WDR46: variants seen among roughly 807,000 people sequenced by gnomAD.
WDR46 encodes WD repeat-containing protein 46.
WDR46 carries 58 observed loss-of-function variants against 74.7 expected under a neutral mutation model. The ratio of observed to expected loss-of-function variants is 0.78; its 90% CI spans 0.63 to 0.97. The LOEUF (loss-of-function observed/expected upper bound fraction) is 0.97, where lower values mean the gene tolerates loss of function less well. Among genes scored for constraint, WDR46 ranks in the 50% least tolerant of loss-of-function variants. The probability of loss-of-function intolerance (pLI) is 0.00; values close to 1 mark genes in which losing one functional copy is unlikely to be tolerated. For synonymous variants in WDR46, 278 were observed against 297.3 expected (o/e 0.93, Z 0.67); for missense variants, 702 against 790.1 (o/e 0.89, Z 1.34).
Position 33,279,358 on chromosome 6 carries a change from C to G in WDR46, c.1751G>C (p.Ser584Thr), listed in dbSNP as rs765928355. ...CTCCTTATGATGCTGCTGCTGAAGGCTCTGCCGGACCTTGTCCTGGGGACC... is the reference window on the plus strand; with the variant it reads ...CTCCTTATGATGCTGCTGCTGAAGGGTCTGCCGGACCTTGTCCTGGGGACC... Reference protein sequence around the residue: ...DEEHRDKVRQSLQQQHHKEAK... With the variant: ...DEEHRDKVRQTLQQQHHKEAK... The change falls in exon 15 of 15, where the codon AGC becomes ACC. Residue 584 changes from serine (S) to threonine (T), a missense_variant. By Grantham distance (58) the Ser-to-Thr change is moderately conservative. Coordinates refer to ENST00000374617, the MANE Select transcript of WDR46 (RefSeq NM_005452.6). 6.2e-7 allele frequency: 1 copy of G among 1,614,094 alleles called. No individual in the cohort carries two copies. Among genetic ancestry groups the G allele is most frequent in the Admixed American group, 1.7e-5 (1 of 60,030 alleles).
Position 33,287,624 on chromosome 6 carries a change from G to A in WDR46, c.718C>T (p.Arg240Trp), listed in dbSNP as rs868151926. The part of the protein sequence containing the change: ...MCEINVMEAV[R>W]DIRFLHSEAL... Reference sequence around the variant, plus strand: ...AGTGAGGCCACTGACCGGATGTCCCGCACCGCCTCCATGACGTTGATCTCG... The same window carrying A: ...AGTGAGGCCACTGACCGGATGTCCCACACCGCCTCCATGACGTTGATCTCG... Residue 240 changes from arginine to tryptophan, a missense_variant, in exon 7 of 15, where the codon CGG (arginine) becomes TGG (tryptophan). Arg to Trp is a moderately radical substitution (Grantham distance 101). Coordinates refer to ENST00000374617, the MANE Select transcript of WDR46 (RefSeq NM_005452.6). 9.9e-6 allele frequency: 16 copies of A among 1,613,732 alleles called. No individual in the cohort carries two copies. In the Admixed American group the frequency reaches 1.3e-4, roughly 13 times the overall value.
At position 33,279,289 on chromosome 6, in the gene WDR46, C is replaced by T. The variant is rs1419122254; in HGVS notation, c.1820G>A (p.Arg607Lys). 6.2e-7 allele frequency: 1 copy of T among 1,614,132 alleles called. No homozygotes were observed. Among genetic ancestry groups the T allele is most frequent in the Non-Finnish European group, 8.5e-7 (1 of 1,180,054 alleles). ...CTGGAGTCTGGCTCAGCGCACAAAT[C>T]TGTCCAGGGCAGATGGCCGGGCCCC... ...PTGARPSALD[R>K]FVR The change falls in exon 15 of 15, where the codon AGA becomes AAA. Residue 607 changes from arginine to lysine, a missense_variant. Coordinates refer to ENST00000374617, the MANE Select transcript of WDR46 (RefSeq NM_005452.6).
At chr6:33,283,961 T>C (rs1302932618) in intron 10 of WDR46, among the ~76,000 whole-genome samples, 1 of 151,678 alleles carries the variant, frequency 6.6e-6, no homozygotes, top group African/African-American at 2.4e-5. Flanking sequence ...ACCATAGCCA[T>C]GGCCGGGTGC....
chr6:33,280,605 T>C (rs1041210138), intron 11 of WDR46, 69 bp downstream of exon 11: 3 of 1,601,048 alleles, frequency 1.9e-6, no homozygotes, highest in African/African-American at 1.3e-5. Flanking sequence ...CCCCAGTTCC[T>C]GGATGTCTCT....
At chr6:33,280,582 A>G in intron 11 of WDR46, 60 bp from the exon 12 acceptor site, 1 of 1,600,872 alleles carries the variant, frequency 6.2e-7, no homozygotes, top group Non-Finnish European at 8.5e-7. Flanking sequence ...CAACAGCTCC[A>G]GCCCAACTAA....
At position 33,288,247 on chromosome 6, in the gene WDR46, G is replaced by C; in HGVS notation, c.474-12C>G. ...CCCCTTCCAGAAACCTGAAAGCAAG[G>C]GTTAGGATGGCAGTAAAGCTTCCCA... On this transcript the variant is annotated splice_polypyrimidine_tract_variant and intron_variant, in intron 4 of 14. Coordinates refer to ENST00000374617, the MANE Select transcript of WDR46 (RefSeq NM_005452.6). 1 of 1,614,182 alleles carries C rather than the reference G, an allele frequency of 6.2e-7. No individual in the cohort carries two copies. The highest frequency in any genetic ancestry group is 8.5e-7 in the Non-Finnish European group (1 of 1,180,044).
At chr6:33,283,353 G>A (rs894440874) in intron 10 of WDR46, among the ~76,000 whole-genome samples, 1 of 152,158 alleles carries the variant, frequency 6.6e-6, no homozygotes, top group African/African-American at 2.4e-5. Flanking sequence ...TACTTTGGGA[G>A]GTTGAGGTAG....
intron 6 of WDR46, 51 bp from the exon 7 acceptor site, chr6:33,287,769 C>CT (rs752877994): frequency 4.8e-4 from 772 of 1,603,400 alleles, no homozygotes; most frequent in Non-Finnish European, 5.9e-4. Flanking sequence ...ACCACCGACT[C>CT]AGACAACTTG....
chr6:33,284,183 G>A (rs1036725963), intron 10 of WDR46, among the ~76,000 whole-genome samples: 1 of 151,424 alleles, frequency 6.6e-6, no homozygotes, highest in Admixed American at 6.6e-5. Context: ...CCGGGGGGCA[G>A]AGGTTGTGGT....
chr6:33,288,667 G>A lies in WDR46; in HGVS notation c.307C>T (p.Pro103Ser). The change falls in exon 3 of 15, where the codon CCC becomes TCC. Residue 103 changes from proline to serine, a missense_variant. Pro to Ser is a moderately conservative substitution (Grantham distance 74, BLOSUM62 -1). Transcript: ENST00000374617. ...GTQDPFPGPAPVPVEVVQKFC... is the reference protein window; with the variant it reads ...GTQDPFPGPASVPVEVVQKFC... The stretch of plus-strand genomic sequence containing the variant: ...TTCTGGACCACTTCCACAGGGACGG[G>A]GGCGGGGCCTGGGAATGGATCTTGG... 6.2e-7 allele frequency: 1 copy of A among 1,613,322 alleles called. No homozygotes were observed. The highest frequency in any genetic ancestry group is 8.5e-7 in the Non-Finnish European group (1 of 1,179,554).
rs1320922783 is a variant in WDR46, at chr6:33,289,009, G to A, written c.74C>T (p.Pro25Leu). 6.2e-7 allele frequency: 1 copy of A among 1,614,000 alleles called. No individual in the cohort carries two copies. Among genetic ancestry groups the A allele is most frequent in the African/African-American group, 1.3e-5 (1 of 75,010 alleles). Residue 25 changes from proline to leucine, a missense_variant, in exon 2 of 15, where the codon CCG becomes CTG. By Grantham distance (98) the Pro-to-Leu change is moderately conservative. Transcript: ENST00000374617. ...GGTCTCTTCCTCCCAGTATCGCCGC[G>A]GTTTCTACAGGCACATCAGGAACTC... ...KDKLQTKRKK[P>L]RRYWEEETVP... is the part of the protein sequence containing the mutation.
chr6:33,284,116 G>A (rs562184938), intron 10 of WDR46, among the ~76,000 whole-genome samples: 2 of 152,062 alleles, frequency 1.3e-5, no homozygotes, highest in South Asian at 2.1e-4. Context: ...GGCGTGGTTC[G>A]TGGGCGCCTG....
At chr6:33,280,570 TCCAACA>T in intron 11 of WDR46, 48 bp from the exon 12 acceptor site, 1 of 1,600,550 alleles carries the variant, frequency 6.2e-7, no homozygotes, top group Non-Finnish European at 8.5e-7. Flanking sequence ...AGAACCTCAG[TCCAACA>T]GCTCCAGCCC....
At chr6:33,286,617 G>C (rs1766660020) in intron 10 of WDR46, among the ~76,000 whole-genome samples, 178 bp downstream of exon 10, 1 of 152,148 alleles carries the variant, frequency 6.6e-6, no homozygotes, top group African/African-American at 2.4e-5. Flanking sequence ...TCGGGGTCAG[G>C]AAACTGTGGC....
rs1386752814 is a variant in WDR46, at chr6:33,288,030, G to A, written c.562-4C>T. 6.2e-7 allele frequency: 1 copy of A among 1,614,150 alleles called. No homozygotes were observed. Among genetic ancestry groups the A allele is most frequent in the Admixed American group, 1.7e-5 (1 of 60,022 alleles). On this transcript the variant is annotated splice_polypyrimidine_tract_variant and splice_region_variant and intron_variant, in intron 5 of 14. Coordinates refer to ENST00000374617, the MANE Select transcript of WDR46 (RefSeq NM_005452.6). ...GCCGCAGATTCAAGTCAAAGTGCTGGGAAAGAGAAGAGTGAAAAAAAAGAG... is the reference window on the plus strand; with the variant it reads ...GCCGCAGATTCAAGTCAAAGTGCTGAGAAAGAGAAGAGTGAAAAAAAAGAG...
At chr6:33,284,596 C>T (rs1766460695) in intron 10 of WDR46, 1 of 153,694 alleles carries the variant, frequency 6.5e-6, no homozygotes, top group Non-Finnish European at 1.5e-5. Flanking sequence ...AAACTATATG[C>T]CTTAACTCAT....
chr6:33,287,371 A>C lies in WDR46; in HGVS notation c.863T>G (p.Phe288Cys). ...GCCACTCACAGCTGTAGCCAGGAGG[A>C]AGTGGAAGGGCAGGAACTCAAGCCG... is the stretch of plus-strand genomic sequence containing the variant. ...VTRLEFLPFHFLLATASETGF... is the reference protein window; with the variant it reads ...VTRLEFLPFHCLLATASETGF... Residue 288 changes from phenylalanine (F) to cysteine (C), a missense_variant, in exon 8 of 15, where the codon TTC becomes TGC. Physicochemically the swap from Phe to Cys is radical, Grantham distance 205. Coordinates refer to ENST00000374617, the MANE Select transcript of WDR46 (RefSeq NM_005452.6). 1 of 1,612,246 alleles carries C rather than the reference A, an allele frequency of 6.2e-7. No homozygotes were observed. Among genetic ancestry groups the C allele is most frequent in the Non-Finnish European group, 8.5e-7 (1 of 1,179,748 alleles).
rs1766770544 is a variant in WDR46, at chr6:33,287,525, G to A, written c.729-20C>T. 6.2e-7 allele frequency: 1 copy of A among 1,613,414 alleles called. No homozygotes were observed. The highest frequency in any genetic ancestry group is 8.5e-7 in the Non-Finnish European group (1 of 1,179,922). ...AGAAACCTGGGGGAGAGGAAGAGTG[G>A]TTCAATTGGGAAATGAGGTCACAGG... On this transcript the variant is annotated intron_variant, in intron 7 of 14. Coordinates refer to ENST00000374617, the MANE Select transcript of WDR46 (RefSeq NM_005452.6).
In WDR46 at chr6:33,289,025, T is replaced by A. The variant is rs747532485; in HGVS notation, c.70-12A>T. The stretch of plus-strand genomic sequence containing the variant: ...TATCGCCGCGGTTTCTACAGGCACA[T>A]CAGGAACTCCGCACTCACGCCCCGC... On this transcript the variant is annotated splice_polypyrimidine_tract_variant and intron_variant, in intron 1 of 14. Transcript: ENST00000374617. 2.5e-6 allele frequency: 4 copies of A among 1,613,608 alleles called. No homozygotes were observed. The highest frequency in any genetic ancestry group is 3.4e-6 in the Non-Finnish European group (4 of 1,179,654).
Sources: allele counts gnomAD v4.1 joint callset (sites outside exome capture counted in the v4.1 genomes callset), GRCh38; gene constraint gnomAD v4.1.1; transcripts MANE v1.5; gene names NCBI Gene and HGNC (gene_info 2026-07-23, HGNC 2026-07-21).